The following TDRD12 variants were observed in gnomAD, a reference collection of about 807,000 sequenced individuals.
TDRD12 encodes the protein putative ATP-dependent RNA helicase TDRD12.
In TDRD12, 158 loss-of-function variants were observed where a neutral mutation model predicts 133.5. The ratio of observed to expected loss-of-function variants is 1.18; its 90% CI spans 1.04 to 1.35. The LOEUF is 1.35. Ranked by LOEUF, TDRD12 falls within the 40% of genes most tolerant of loss-of-function variation. The pLI, the probability that TDRD12 is intolerant of heterozygous loss-of-function variation, is 0.00. For synonymous variants in TDRD12, 460 were observed against 477.9 expected (o/e 0.96, Z 0.49); for missense variants, 1,443 against 1,321.3 (o/e 1.09, Z -1.43).
intron 25 of TDRD12, 112 bp from the exon 26 acceptor site, chr19:32,815,336 T>C: frequency 1.1e-6 from 1 of 883,736 alleles, no homozygotes; most frequent in Non-Finnish European, 1.7e-6. Flanking sequence ...AGCGCCGAAG[T>C]GCAGCCAACG....
downstream of TDRD12, among the ~76,000 whole-genome samples, chr19:32,823,290 C>T (rs1357255190): frequency 6.6e-6 from 1 of 152,176 alleles, no homozygotes; most frequent in Admixed American, 6.5e-5. Context: ...CAGCCTTGCC[C>T]ACTGCCTGTG....
chr19:32,742,845 T>C (rs1215834473), exon 4 of TDRD12: 15 of 1,551,756 alleles, frequency 9.7e-6, no homozygotes, highest in Non-Finnish European at 1.3e-5. Context: ...CAGCCTGTAC[T>C]GCACAAAGCC....
chr19:32,821,333 G>A, downstream of TDRD12: 3 of 596,924 alleles, frequency 5.0e-6, no homozygotes, highest in Non-Finnish European at 8.9e-6. Flanking sequence ...CTTCCATCCA[G>A]TGATGCGCAC....
At chr19:32,720,166 C>G in intron 1 of TDRD12, 70 bp downstream of exon 1, 1 of 1,422,138 alleles carries the variant, frequency 7.0e-7, no homozygotes, top group Non-Finnish European at 9.3e-7. Context: ...CCGCGCACAG[C>G]CTCCCACCCC....
intron 6 of TDRD12, among the ~76,000 whole-genome samples, chr19:32,752,659 G>A (rs767331559): frequency 6.6e-6 from 1 of 152,028 alleles, no homozygotes; most frequent in Non-Finnish European, 1.5e-5. Context: ...GCCATTAGGT[G>A]CTCCTTCAAA....
chr19:32,739,718 C>G lies in TDRD12; in HGVS notation c.320+726C>G, dbSNP rs1043337070. ...GTACTCTCTGCATCTCCTGGGTACT[C>G]TCTGCATCTCCTGGGTGCTGTCTGC... On this transcript the variant is annotated intron_variant, in intron 3 of 27. Coordinates refer to ENST00000444215, the Ensembl canonical transcript of TDRD12. 2.4e-3 allele frequency among the ~76,000 whole-genome samples: 279 copies of G among 114,520 alleles called. 1 individual carries two copies. The highest frequency in any genetic ancestry group is 4.0e-3 in the African/African-American group (121 of 30,340). 75.1% of individuals were successfully genotyped at this position (114,520 alleles called of 152,430 possible). A position where few individuals can be genotyped will look rare whatever the true frequency, so the allele number is the denominator to read the frequency against.
chr19:32,749,663 C>T, intron 5 of TDRD12, 121 bp from the exon 6 acceptor site: 3 of 695,722 alleles, frequency 4.3e-6, no homozygotes, highest in Admixed American at 2.9e-5. Flanking sequence ...TGGTCCTGCC[C>T]GAGGAAGACA....
At chr19:32,730,797 C>A (rs1158551331) in intron 1 of TDRD12, among the ~76,000 whole-genome samples, 1 of 152,136 alleles carries the variant, frequency 6.6e-6, no homozygotes, top group African/African-American at 2.4e-5. Context: ...GGGCGAATCA[C>A]CTGAAGTCAG....
chr19:32,731,422 C>G (rs1040295564), intron 1 of TDRD12, among the ~76,000 whole-genome samples: 2 of 151,572 alleles, frequency 1.3e-5, no homozygotes, highest in South Asian at 4.2e-4. Flanking sequence ...TTTTTTTTAA[C>G]AAACAAAAGT....
chr19:32,798,236 G>C, intron 15 of TDRD12, 72 bp from the exon 16 acceptor site: 1 of 1,433,584 alleles, frequency 7.0e-7, no homozygotes, highest in Non-Finnish European at 9.4e-7. Context: ...AAAGTATGTG[G>C]ACTCTTAGCA....
intron 22 of TDRD12, among the ~76,000 whole-genome samples, chr19:32,808,622 G>T (rs1359024744): frequency 3.3e-5 from 5 of 152,172 alleles, no homozygotes; most frequent in Non-Finnish European, 7.3e-5. Context: ...TTTCAAGTCA[G>T]GTCAAAGTCA....
At chr19:32,786,771 C>T (rs1304443775) in intron 11 of TDRD12, among the ~76,000 whole-genome samples, 1 of 152,138 alleles carries the variant, frequency 6.6e-6, no homozygotes. Flanking sequence ...TTTTCAGCTC[C>T]ATCAGGTCAT....
At chr19:32,799,885 C>A (rs1238753598) in intron 16 of TDRD12, among the ~76,000 whole-genome samples, 2 of 151,896 alleles carry the variant, frequency 1.3e-5, no homozygotes, top group Admixed American at 6.6e-5. Context: ...CAGGTGCACA[C>A]CACCACACCC....
At chr19:32,800,271 A>G (rs1305530448) in exon 17 of TDRD12, 2 of 1,535,298 alleles carry the variant, frequency 1.3e-6, no homozygotes, top group African/African-American at 2.7e-5. Flanking sequence ...ACAAACATAT[A>G]GAACATCTCA....
chr19:32,721,629 C>T (rs935865485), intron 1 of TDRD12, among the ~76,000 whole-genome samples: 5 of 152,090 alleles, frequency 3.3e-5, no homozygotes, highest in African/African-American at 1.2e-4. Flanking sequence ...ATCCACCTGC[C>T]TCCGCCTCCC....
chr19:32,800,104 T>G lies in TDRD12; in HGVS notation c.1759-63T>G. The G allele has an allele frequency of 7.4e-6, 7 of 943,220 alleles. No individual in the cohort carries two copies. In the African/African-American group the frequency reaches 8.3e-5, roughly 11 times the overall value. The allele number at this position is 943,220 out of a possible 1,614,324, so 58.4% of individuals were successfully genotyped here. ...AATATACAAACCCTTACATTTTATGTTCTGCCACACTAGTTCTTACTCTTT... is the reference window on the plus strand; with the variant it reads ...AATATACAAACCCTTACATTTTATGGTCTGCCACACTAGTTCTTACTCTTT... On this transcript the variant is annotated intron_variant, in intron 16 of 27. Coordinates refer to ENST00000444215, the Ensembl canonical transcript of TDRD12.
downstream of TDRD12, chr19:32,825,982 A>T: frequency 1.5e-6 from 1 of 680,386 alleles, no homozygotes; most frequent in Non-Finnish European, 2.4e-6. This position sits in a 1 kb window ranked among gnomAD's most constrained non-coding sequence, Gnocchi z 4.1. Flanking sequence ...TTACACTTTT[A>T]TGTGATTCCT....
At chr19:32,724,548 ATTATC>A (rs1345904025) in intron 1 of TDRD12, among the ~76,000 whole-genome samples, 1 of 152,062 alleles carries the variant, frequency 6.6e-6, no homozygotes, top group African/African-American at 2.4e-5. Context: ...TGCAAAGGAT[ATTATC>A]TTGTTACTTT....
At chr19:32,782,646 A>C (rs1970802605) in intron 11 of TDRD12, among the ~76,000 whole-genome samples, 1 of 152,172 alleles carries the variant, frequency 6.6e-6, no homozygotes. Flanking sequence ...CTGACTTTTT[A>C]ATGATCGCCA....
Sources: gnomAD v4.1 joint callset for allele counts (sites outside exome capture counted in the v4.1 genomes callset) on GRCh38, gnomAD v4.1.1 for gene constraint, Gnocchi (gnomAD v3.1) non-coding constraint, MANE v1.5 for transcripts, NCBI Gene and HGNC (gene_info 2026-07-23, HGNC 2026-07-21) for gene names.